Variants in SLC41A2 observed in about 807,000 individuals in gnomAD.
The protein encoded by SLC41A2 is solute carrier family 41 member 2, also known as SLC41A1-like 1.
A neutral mutation model predicts 58.3 loss-of-function variants in SLC41A2; 32 were observed. The ratio of observed to expected loss-of-function variants is 0.55; its 90% CI spans 0.41 to 0.74. The LOEUF (loss-of-function observed/expected upper bound fraction) is 0.74, where lower values mean the gene tolerates loss of function less well. SLC41A2 is among the 30% of genes least tolerant of loss of function. SLC41A2 has a pLI of 0.00. For synonymous variants in SLC41A2, 190 were observed against 235.0 expected (o/e 0.81, Z 1.75); for missense variants, 514 against 680.6 (o/e 0.76, Z 2.72).
intron 3 of SLC41A2, among the ~76,000 whole-genome samples, chr12:104,898,416 G>C (rs190659787): frequency 6.6e-6 from 1 of 151,652 alleles, no homozygotes; most frequent in South Asian, 2.1e-4. Flanking sequence ...TGAAATTATA[G>C]ATTTATAAAT....
intron 5 of SLC41A2, among the ~76,000 whole-genome samples, chr12:104,886,721 A>G (rs552963103): frequency 6.6e-6 from 1 of 152,130 alleles, no homozygotes; most frequent in Admixed American, 6.5e-5. Context: ...ATTTAGTGAC[A>G]TGTATATCTT....
intron 10 of SLC41A2, among the ~76,000 whole-genome samples, chr12:104,833,609 AC>A (rs1190452680): frequency 2.0e-5 from 3 of 152,200 alleles, no homozygotes; most frequent in Admixed American, 2.0e-4. Context: ...ATCTTTGGAA[AC>A]TTTTTGCTTT....
intron 1 of SLC41A2, among the ~76,000 whole-genome samples, chr12:104,951,154 T>C (rs573656701): frequency 2.6e-5 from 4 of 152,344 alleles, no homozygotes; most frequent in African/African-American, 4.8e-5. Context: ...AATTTCCCTA[T>C]AGCAGGACAT....
chr12:104,816,840 T>C (rs1439610523), intron 10 of SLC41A2, among the ~76,000 whole-genome samples: 4 of 152,112 alleles, frequency 2.6e-5, no homozygotes, highest in Admixed American at 2.0e-4. Context: ...TAGGGGAGGA[T>C]TGGTTGCAGG....
chr12:104,853,562 A>C (rs1385604622), intron 8 of SLC41A2, among the ~76,000 whole-genome samples: 1 of 152,178 alleles, frequency 6.6e-6, no homozygotes, highest in African/African-American at 2.4e-5. Flanking sequence ...TTTTATTTAA[A>C]CAAGGGTAGG....
chr12:104,825,111 C>T (rs1427857917), intron 10 of SLC41A2, among the ~76,000 whole-genome samples: 5 of 152,134 alleles, frequency 3.3e-5, no homozygotes, highest in Non-Finnish European at 5.9e-5. Context: ...CTACAGGCTG[C>T]GGCAATGTTA....
At chr12:104,835,182 G>C (rs2042166481) in intron 10 of SLC41A2, among the ~76,000 whole-genome samples, 1 of 152,182 alleles carries the variant, frequency 6.6e-6, no homozygotes, top group African/African-American at 2.4e-5. Flanking sequence ...ATACAGGTGG[G>C]AAACAGTGCC....
At chr12:104,925,738 A>T (rs1014971138) in intron 2 of SLC41A2, among the ~76,000 whole-genome samples, 1 of 152,192 alleles carries the variant, frequency 6.6e-6, no homozygotes, top group Non-Finnish European at 1.5e-5. Context: ...CTCCAGATAC[A>T]TAATGAGCTA....
chr12:104,904,493 T>C (rs530371329), intron 3 of SLC41A2, among the ~76,000 whole-genome samples: 1 of 152,320 alleles, frequency 6.6e-6, no homozygotes, highest in African/African-American at 2.4e-5. Flanking sequence ...AACACATGCA[T>C]ATAATTTCAC....
chr12:104,921,629 C>G (rs555119292), intron 2 of SLC41A2, among the ~76,000 whole-genome samples: 2 of 152,048 alleles, frequency 1.3e-5, no homozygotes, highest in South Asian at 4.1e-4. Context: ...GTTCTTTGAC[C>G]TGAAAGAAAA....
intron 3 of SLC41A2, among the ~76,000 whole-genome samples, chr12:104,904,782 T>A (rs2045738598): frequency 6.6e-6 from 1 of 152,084 alleles, no homozygotes; most frequent in South Asian, 2.1e-4. Flanking sequence ...CCTGGTGGGC[T>A]CGTGGTCTCG....
intron 10 of SLC41A2, among the ~76,000 whole-genome samples, chr12:104,828,117 C>T (rs779247522): frequency 7.2e-5 from 11 of 152,124 alleles, no homozygotes; most frequent in Non-Finnish European, 1.5e-4. Flanking sequence ...AGCAACTGGA[C>T]GTCAAGAGGA....
chr12:104,916,034 G>T (rs573036776), intron 2 of SLC41A2, among the ~76,000 whole-genome samples: 17 of 152,174 alleles, frequency 1.1e-4, no homozygotes, highest in African/African-American at 1.7e-4. Context: ...TAATCATGTG[G>T]TTTTTGTCTT....
intron 10 of SLC41A2, 21 bp from the exon 11 acceptor site, chr12:104,805,358 T>C (rs1307837795): frequency 1.9e-6 from 3 of 1,599,308 alleles, no homozygotes; most frequent in Non-Finnish European, 1.7e-6. Context: ...ACAACAGAGA[T>C]TACTCCGGCT....
intron 10 of SLC41A2, among the ~76,000 whole-genome samples, chr12:104,838,899 CTA>C (rs2042306590): frequency 6.6e-6 from 1 of 152,146 alleles, no homozygotes; most frequent in Non-Finnish European, 1.5e-5. Context: ...ACTATATGTA[CTA>C]TATACTTGAC....
rs189555259 is a variant in SLC41A2, at chr12:104,944,089, G to A, written c.-168+13999C>T. On this transcript the variant is annotated intron_variant, in intron 1 of 10. Coordinates refer to ENST00000258538, the MANE Select transcript of SLC41A2 (RefSeq NM_001352171.3). ...AAAGGAAAAAAATTACTTGCCATCT[G>A]TAAGGTTATCATTTTTATTCTACAA... Among the ~76,000 whole-genome samples, 4 of 152,302 alleles carry A rather than the reference G, an allele frequency of 2.6e-5. No individual in the cohort carries two copies. The East Asian group carries it at 7.7e-4, about 29-fold the overall frequency.
At chr12:104,826,243 A>G (rs186908507) in intron 10 of SLC41A2, among the ~76,000 whole-genome samples, 36 of 152,222 alleles carry the variant, frequency 2.4e-4, no homozygotes, top group African/African-American at 8.2e-4. Flanking sequence ...CTCTGCACAA[A>G]GGTTTGGCCA....
intron 9 of SLC41A2, among the ~76,000 whole-genome samples, chr12:104,845,245 G>A (rs1284673231): frequency 6.6e-6 from 1 of 152,056 alleles, no homozygotes; most frequent in East Asian, 1.9e-4. Flanking sequence ...GAGCTGTGAT[G>A]GTACCACTAT....
chr12:104,810,489 C>T (rs994194872), intron 10 of SLC41A2, among the ~76,000 whole-genome samples: 3 of 152,030 alleles, frequency 2.0e-5, no homozygotes, highest in South Asian at 2.1e-4. Flanking sequence ...ATGATACATA[C>T]ACCATTTAGT....
Sources: gnomAD v4.1 joint callset for allele counts (sites outside exome capture counted in the v4.1 genomes callset) on GRCh38, gnomAD v4.1.1 for gene constraint, MANE v1.5 for transcripts, NCBI Gene and HGNC (gene_info 2026-07-23, HGNC 2026-07-21) for gene names.